Variants in RECK observed in about 807,000 individuals in gnomAD.
RECK encodes the protein reversion-inducing cysteine-rich protein with Kazal motifs.
RECK carries 69 observed loss-of-function variants against 115.1 expected under a neutral mutation model. The ratio of observed to expected loss-of-function variants is 0.60; its 90% CI spans 0.49 to 0.73. The LOEUF (loss-of-function observed/expected upper bound fraction) is 0.73. Ranked by LOEUF, RECK falls within the 30% of genes least tolerant of loss-of-function variation. The pLI is 0.00. For missense variants in RECK, 1,047 were observed against 1,203.7 expected (o/e 0.87, Z 1.93); for synonymous variants, 414 against 419.7 (o/e 0.99, Z 0.17).
intron 13 of RECK, among the ~76,000 whole-genome samples, chr9:36,106,249 T>C (rs1271248642): frequency 6.6e-6 from 1 of 151,832 alleles, no homozygotes; most frequent in Non-Finnish European, 1.5e-5. Flanking sequence ...CGTTTTTTTT[T>C]TTGAGACGGG....
intron 6 of RECK, among the ~76,000 whole-genome samples, chr9:36,067,188 TA>T (rs1332222844): frequency 8.5e-5 from 13 of 152,294 alleles, no homozygotes; most frequent in African/African-American, 2.9e-4. Flanking sequence ...AGCTATTTGT[TA>T]TAAAGTGAAT....
At chr9:36,117,243 A>C in intron 17 of RECK, 66 bp downstream of exon 17, 1 of 1,305,010 alleles carries the variant, frequency 7.7e-7, no homozygotes, top group Non-Finnish European at 1.1e-6. Context: ...TATTTTACAG[A>C]TGAATCAACA....
intron 10 of RECK, among the ~76,000 whole-genome samples, chr9:36,093,589 A>G (rs1003108046): frequency 2.6e-5 from 4 of 152,206 alleles, no homozygotes; most frequent in African/African-American, 9.6e-5. Flanking sequence ...AGATTGCTCA[A>G]TAGAAACTAT....
intron 10 of RECK, among the ~76,000 whole-genome samples, chr9:36,095,141 A>G (rs1034627449): frequency 6.6e-6 from 1 of 152,212 alleles, no homozygotes; most frequent in Admixed American, 6.5e-5. Flanking sequence ...GGTTGCAGTA[A>G]GCCAAGATTG....
chr9:36,120,657 A>T lies in RECK; in HGVS notation c.2465-6A>T. ...GAACGCACATAAAATGGTTTCTGTT[A>T]TACAGGTGCTTGTTGCCCATTATGT... On this transcript the variant is annotated splice_polypyrimidine_tract_variant and splice_region_variant and intron_variant, in intron 18 of 20. Coordinates refer to ENST00000377966, the MANE Select transcript of RECK (RefSeq NM_021111.3). The T allele has an allele frequency of 6.2e-7, 1 of 1,609,654 alleles. No homozygotes were observed. Among genetic ancestry groups the T allele is most frequent in the Non-Finnish European group, 8.5e-7 (1 of 1,176,036 alleles).
rs74372001 is a variant in RECK at position 36,102,075 on chromosome 9, C to T, written c.1299-19C>T. On this transcript the variant is annotated intron_variant, in intron 11 of 20. Coordinates refer to ENST00000377966, the MANE Select transcript of RECK (RefSeq NM_021111.3). ...GGAGGTTCCTCAAGCTCTAAACTTA[C>T]GTGCATTTTTTTTTCAAGATCAGAT... The T allele has an allele frequency of 5.2e-3, 8,410 of 1,606,468 alleles. 332 individuals carry two copies. In the African/African-American group the frequency reaches 0.088, roughly 17 times the overall value.
intron 10 of RECK, among the ~76,000 whole-genome samples, chr9:36,091,594 T>C (rs925767299): frequency 3.9e-5 from 6 of 152,210 alleles, no homozygotes; most frequent in African/African-American, 1.4e-4. Context: ...CAGTCCCCTC[T>C]CCCTTCTACT....
chr9:36,046,233 T>C (rs1202511001), intron 1 of RECK, among the ~76,000 whole-genome samples: 3 of 152,178 alleles, frequency 2.0e-5, no homozygotes, highest in African/African-American at 7.2e-5. Context: ...TAGAAAGCAT[T>C]AGGCCTGGGA....
At chr9:36,110,155 C>CT in intron 15 of RECK, 76 bp downstream of exon 15, 5 of 1,496,808 alleles carry the variant, frequency 3.3e-6, no homozygotes, top group Non-Finnish European at 4.6e-6. Flanking sequence ...AAGGCAGCTT[C>CT]TCCAGTCTTA....
chr9:36,075,134 C>T (rs1254522209), intron 6 of RECK, among the ~76,000 whole-genome samples: 5 of 152,210 alleles, frequency 3.3e-5, no homozygotes, highest in Admixed American at 1.3e-4. Context: ...ACTGCTTACT[C>T]CAAGCTTGCT....
intron 6 of RECK, among the ~76,000 whole-genome samples, chr9:36,066,487 A>G (rs1279355781): frequency 6.6e-6 from 1 of 151,998 alleles, no homozygotes; most frequent in Non-Finnish European, 1.5e-5. Context: ...TCTTTTCTCA[A>G]AGCCTGTATC....
chr9:36,107,253 A>G (rs1180912222), intron 13 of RECK, among the ~76,000 whole-genome samples: 1 of 152,092 alleles, frequency 6.6e-6, no homozygotes, highest in Non-Finnish European at 1.5e-5. Context: ...AATTTAAGGT[A>G]TACTTGTTTT....
chr9:36,086,705 C>G (rs1822979514), intron 8 of RECK, among the ~76,000 whole-genome samples: 1 of 152,190 alleles, frequency 6.6e-6, no homozygotes, highest in African/African-American at 2.4e-5. Flanking sequence ...CCTTTACAAA[C>G]CTTTAGCTAG....
rs987801547 is a variant in RECK, at chr9:36,088,035, C to T, written c.905+74C>T. ...AATTAATGATTTTAAGCCTAGCAAA[C>T]GTGTGTTATATTCTTACGTGGTATA... On this transcript the variant is annotated intron_variant, in intron 9 of 20. Transcript: ENST00000377966. 6.5e-5 allele frequency: 72 copies of T among 1,113,874 alleles called. 1 individual carries two copies. Among genetic ancestry groups the T allele is most frequent in the South Asian group, 8.5e-5 (6 of 70,600 alleles). 69.0% of individuals were successfully genotyped at this position (1,113,874 alleles called of 1,614,324 possible). A position where few individuals can be genotyped will look rare whatever the true frequency, so the allele number is the denominator to read the frequency against.
At chr9:36,059,424 C>G (rs1821670389) in intron 3 of RECK, among the ~76,000 whole-genome samples, 1 of 149,926 alleles carries the variant, frequency 6.7e-6, no homozygotes, top group Non-Finnish European at 1.5e-5. Flanking sequence ...TCACTGCACT[C>G]CAGTCTGGGC....
Position 36,118,867 on chromosome 9 carries a change from G to A in RECK, c.2364G>A (p.Gln788=), listed in dbSNP as rs758863752. 6.2e-7 allele frequency: 1 copy of A among 1,614,052 alleles called. No individual in the cohort carries two copies. The highest frequency in any genetic ancestry group is 8.5e-7 in the Non-Finnish European group (1 of 1,180,038). Residue 788 remains glutamine, a synonymous_variant, in exon 18 of 21, where the codon CAG becomes CAA. Transcript: ENST00000377966. The part of the protein sequence containing the change: ...RVAVDYYGDC[Q]AVGVLSEHSS... ...CAGTCGATTACTATGGGGACTGCCA[G>A]GCCGTCGGAGTCCTCTCAGAGCACA...
chr9:36,105,423 G>A (rs1025022063), intron 13 of RECK, 140 bp downstream of exon 13: 5 of 731,974 alleles, frequency 6.8e-6, no homozygotes, highest in African/African-American at 1.8e-5. Flanking sequence ...GGGACTTCAT[G>A]TTCTATATTA....
At chr9:36,096,272 C>T (rs917219994) in intron 10 of RECK, among the ~76,000 whole-genome samples, 1 of 151,386 alleles carries the variant, frequency 6.6e-6, no homozygotes, top group Non-Finnish European at 1.5e-5. Context: ...CATGGTGGCT[C>T]ACGCCTGTAA....
intron 9 of RECK, among the ~76,000 whole-genome samples, 195 bp from the exon 10 acceptor site, chr9:36,090,969 T>C (rs1823134080): frequency 6.6e-6 from 1 of 152,250 alleles, no homozygotes; most frequent in Non-Finnish European, 1.5e-5. Flanking sequence ...AGGTAGGTGA[T>C]AAAAGAAGCC....
Sources: gnomAD v4.1 joint callset for allele counts (sites outside exome capture counted in the v4.1 genomes callset) on GRCh38, gnomAD v4.1.1 for gene constraint, MANE v1.5 for transcripts, NCBI Gene and HGNC (gene_info 2026-07-23, HGNC 2026-07-21) for gene names.